Variants in NXPE2 observed in about 807,000 individuals in gnomAD.
NXPE2 encodes the protein neurexophilin and PC-esterase domain family member 2, also known as NXPE family member 2.
In NXPE2, 34 loss-of-function variants were observed where a neutral mutation model predicts 34.4. The ratio of observed to expected loss-of-function variants is 0.99; its 90% CI spans 0.75 to 1.31. The LOEUF is 1.31. Among genes scored for constraint, NXPE2 ranks in the 40% most tolerant of loss-of-function variants. The pLI, the probability that NXPE2 is intolerant of heterozygous loss-of-function variation, is 0.00. For missense variants in NXPE2, 649 were observed against 672.5 expected, an observed-to-expected ratio of 0.97 and a Z score of 0.39; for synonymous variants, 235 against 231.3, an observed-to-expected ratio of 1.02 and a Z score of -0.15.
chr11:114,559,016 C>G, the NXPE2 span, among the ~76,000 whole-genome samples: 1 of 152,088 alleles, frequency 6.6e-6, no homozygotes, highest in Non-Finnish European at 1.5e-5. Context: ...ATACAACTCA[C>G]TAGATTTACC....
the NXPE2 span, among the ~76,000 whole-genome samples, chr11:114,668,410 A>G: frequency 6.6e-6 from 1 of 151,856 alleles, no homozygotes; most frequent in African/African-American, 2.4e-5. Context: ...TTAAATTACT[A>G]AGTTACACAG....
chr11:114,512,961 G>C, the NXPE2 span: 1 of 337,402 alleles, frequency 3.0e-6, no homozygotes, highest in Non-Finnish European at 6.0e-6. Flanking sequence ...TCCTGTCACA[G>C]TGTTGGTGTC....
the NXPE2 span, among the ~76,000 whole-genome samples, chr11:114,520,654 T>C: frequency 6.6e-6 from 1 of 152,224 alleles, no homozygotes; most frequent in Non-Finnish European, 1.5e-5. Flanking sequence ...GGTCATATGG[T>C]AGTTCTGTTT....
chr11:114,527,029 A>G, the NXPE2 span: 2 of 152,216 alleles, frequency 1.3e-5, no homozygotes, highest in African/African-American at 4.8e-5. Flanking sequence ...TAGAGTTCGT[A>G]GATTGAATGT....
chr11:114,706,690 C>T lies in NXPE2; in HGVS notation c.1440C>T (p.Ser480=), dbSNP rs1286705321. The T allele has an allele frequency of 1.3e-6, 2 of 1,552,124 alleles. No homozygotes were observed. The highest frequency in any genetic ancestry group is 2.0e-5 in the Admixed American group (1 of 50,988). Residue 480 remains serine (S), a synonymous_variant, in exon 6 of 6, where the codon AGC becomes AGT. Transcript: ENST00000389586. ...CCATTGAACGTCTATTCTTGCGAAGCCCGGAGACCAAGGTGATACTTAAAA... is the reference window on the plus strand; with the variant it reads ...CCATTGAACGTCTATTCTTGCGAAGTCCGGAGACCAAGGTGATACTTAAAA... The part of the protein sequence containing the change: ...QKAIERLFLR[S]PETKVILKTE...
the NXPE2 span, among the ~76,000 whole-genome samples, chr11:114,525,565 C>T: frequency 6.6e-6 from 1 of 152,030 alleles, no homozygotes; most frequent in Non-Finnish European, 1.5e-5. Context: ...TCAGCTTCCC[C>T]CTTCCCCCCT....
the NXPE2 span, among the ~76,000 whole-genome samples, chr11:114,469,484 T>C: frequency 2.6e-5 from 4 of 152,030 alleles, no homozygotes; most frequent in African/African-American, 7.2e-5. Context: ...AAATTTGAAG[T>C]ATAAAATTTC....
chr11:114,598,320 G>A, the NXPE2 span, among the ~76,000 whole-genome samples: 1 of 26,358 alleles, frequency 3.8e-5, no homozygotes, highest in Admixed American at 3.2e-4. Context: ...TTTTCCAGGT[G>A]CAGAGTGCAA....
At chr11:114,676,788 A>T (rs1950862777), upstream of NXPE2, among the ~76,000 whole-genome samples, 1 of 152,104 alleles carries the variant, frequency 6.6e-6, no homozygotes, top group African/African-American at 2.4e-5. Flanking sequence ...TCAGTATTTA[A>T]GAAGATATCT....
chr11:114,717,406 G>T, the NXPE2 span, among the ~76,000 whole-genome samples: 1 of 152,168 alleles, frequency 6.6e-6, no homozygotes, highest in Non-Finnish European at 1.5e-5. Flanking sequence ...GGGAATAGAT[G>T]CACACAGTCA....
chr11:114,508,244 C>T, the NXPE2 span, among the ~76,000 whole-genome samples: 1 of 152,030 alleles, frequency 6.6e-6, no homozygotes, highest in Non-Finnish European at 1.5e-5. Context: ...GAAATCAGAG[C>T]TGACACAAAC....
the NXPE2 span, among the ~76,000 whole-genome samples, chr11:114,669,489 T>G: frequency 2.6e-5 from 4 of 152,114 alleles, no homozygotes; most frequent in South Asian, 8.3e-4. Context: ...GGTTCTATTC[T>G]ACCCAAGAAT....
chr11:114,768,906 C>T, the NXPE2 span, among the ~76,000 whole-genome samples: 10 of 152,094 alleles, frequency 6.6e-5, no homozygotes, highest in African/African-American at 2.4e-4. Context: ...TGGGCAAAGA[C>T]TTCATGACTA....
At chr11:114,711,897 T>C (rs1056865954), downstream of NXPE2, among the ~76,000 whole-genome samples, 2 of 152,116 alleles carry the variant, frequency 1.3e-5, no homozygotes, top group Non-Finnish European at 2.9e-5. Flanking sequence ...GATATAAAGA[T>C]AGCTATGTAG....
the NXPE2 span, among the ~76,000 whole-genome samples, chr11:114,471,692 C>G: frequency 6.6e-6 from 1 of 152,132 alleles, no homozygotes; most frequent in South Asian, 2.1e-4. Context: ...TGGTCATTTC[C>G]TATTGGTTGG....
chr11:114,539,541 C>T, the NXPE2 span, among the ~76,000 whole-genome samples: 1 of 152,104 alleles, frequency 6.6e-6, no homozygotes, highest in Non-Finnish European at 1.5e-5. Context: ...AGATGTAGCA[C>T]TTTGAAATGT....
At chr11:114,642,219 A>G in the NXPE2 span, among the ~76,000 whole-genome samples, 1 of 151,996 alleles carries the variant, frequency 6.6e-6, no homozygotes, top group South Asian at 2.1e-4. Context: ...CTTCTCCCCC[A>G]GTTCAAAAAA....
chr11:114,759,973 A>T, the NXPE2 span, among the ~76,000 whole-genome samples: 505 of 151,886 alleles, frequency 3.3e-3, 3 homozygotes, highest in African/African-American at 0.012. Context: ...GCTTAACACA[A>T]CCTTGCATGC....
At chr11:114,769,846 G>A in the NXPE2 span, among the ~76,000 whole-genome samples, 1 of 152,110 alleles carries the variant, frequency 6.6e-6, no homozygotes, top group South Asian at 2.1e-4. Context: ...AACATTAGGA[G>A]AAATACCTAT....
Sources: allele counts gnomAD v4.1 joint callset (sites outside exome capture counted in the v4.1 genomes callset), GRCh38; gene constraint gnomAD v4.1.1; transcripts MANE v1.5; gene names NCBI Gene and HGNC (gene_info 2026-07-23, HGNC 2026-07-21).